The following FAM20B variants were observed in gnomAD, a reference collection of about 807,000 sequenced individuals.
FAM20B encodes glycosaminoglycan xylosylkinase.
Under a neutral mutation model 43.8 loss-of-function variants are expected in FAM20B, and 23 were observed. The observed-to-expected ratio is 0.53, with a 90% CI of 0.38 to 0.74. The LOEUF (loss-of-function observed/expected upper bound fraction) is 0.74. FAM20B is among the 30% of genes least tolerant of loss of function. The probability of loss-of-function intolerance (pLI) is 0.00; values close to 1 mark genes in which losing one functional copy is unlikely to be tolerated. For synonymous variants in FAM20B, 178 were observed against 192.4 expected (o/e 0.93, Z 0.62); for missense variants, 440 against 510.5 (o/e 0.86, Z 1.33).
Position 179,064,217 on chromosome 1 carries a change from C to T in FAM20B, c.747-88C>T, listed in dbSNP as rs569672602. ...AAGAACTGTGGAGTCAGGGGCAAAC[C>T]GGTAGGTAGGAACTCTGTCTTCTCT... On this transcript the variant is annotated intron_variant, in intron 5 of 7. Coordinates refer to ENST00000263733, the MANE Select transcript of FAM20B (RefSeq NM_014864.4). 210 of 1,419,100 alleles carry T rather than the reference C, an allele frequency of 1.5e-4. 1 individual carries two copies. The South Asian group carries it at 2.3e-3, about 16-fold the overall frequency. The allele number at this position is 1,419,100 out of a possible 1,614,324, so 87.9% of individuals were successfully genotyped here. A position where few individuals can be genotyped will look rare whatever the true frequency, so the allele number is the denominator to read the frequency against.
At chr1:179,060,163 T>G (rs1651403410) in intron 4 of FAM20B, among the ~76,000 whole-genome samples, 1 of 152,172 alleles carries the variant, frequency 6.6e-6, no homozygotes, top group Non-Finnish European at 1.5e-5. Flanking sequence ...CTTCTGCATC[T>G]TACTTTTTTT....
chr1:179,036,377 G>A (rs867951008), intron 1 of FAM20B, among the ~76,000 whole-genome samples: 1 of 152,070 alleles, frequency 6.6e-6, no homozygotes, highest in Non-Finnish European at 1.5e-5. Flanking sequence ...GTTCTTTGAG[G>A]TAGTTTCTGT....
intron 1 of FAM20B, among the ~76,000 whole-genome samples, chr1:179,027,908 A>G (rs1445425285): frequency 6.6e-6 from 1 of 152,130 alleles, no homozygotes; most frequent in African/African-American, 2.4e-5. Flanking sequence ...ATAATCTTTT[A>G]TATCATGGAA....
intron 7 of FAM20B, among the ~76,000 whole-genome samples, chr1:179,067,156 CAAAA>C (rs768489429): frequency 7.4e-6 from 1 of 134,402 alleles, no homozygotes; most frequent in Admixed American, 7.6e-5. Flanking sequence ...ACCCCACTGC[CAAAA>C]AAAAAAAAAG....
chr1:179,044,263 T>C (rs1361894641), intron 2 of FAM20B, 39 bp downstream of exon 2: 1 of 1,551,436 alleles, frequency 6.4e-7, no homozygotes, highest in Non-Finnish European at 8.7e-7. Context: ...GCTAGTTGGT[T>C]GATTCATTTA....
At chr1:179,051,122 T>TAAAA (rs71108087) in intron 3 of FAM20B, among the ~76,000 whole-genome samples, 3 of 140,798 alleles carry the variant, frequency 2.1e-5, no homozygotes, top group Non-Finnish European at 3.1e-5. Context: ...ACTCTGTCTT[T>TAAAA]AAAAAAAAAA....
At chr1:179,046,297 GATAAGCAGC>G (rs1322400034) in intron 2 of FAM20B, among the ~76,000 whole-genome samples, 1 of 152,224 alleles carries the variant, frequency 6.6e-6, no homozygotes, top group African/African-American at 2.4e-5. Context: ...TGGCCTGAGA[GATAAGCAGC>G]ATAAACAGAG....
At chr1:179,035,425 C>A in intron 1 of FAM20B, 1 of 707,650 alleles carries the variant, frequency 1.4e-6, no homozygotes. Flanking sequence ...GTGAATTGCA[C>A]AATTCACACA....
chr1:179,029,753 C>G (rs1469196499), intron 1 of FAM20B, among the ~76,000 whole-genome samples: 1 of 152,176 alleles, frequency 6.6e-6, no homozygotes, highest in Non-Finnish European at 1.5e-5. Context: ...TCCATGCTCT[C>G]AAATGTTAAC....
At chr1:179,025,541 T>C (rs1344698840), upstream of FAM20B, among the ~76,000 whole-genome samples, 1 of 152,138 alleles carries the variant, frequency 6.6e-6, no homozygotes, top group Non-Finnish European at 1.5e-5. Context: ...CCAGTCCTGC[T>C]GCTTGGCTGC....
intron 1 of FAM20B, among the ~76,000 whole-genome samples, chr1:179,034,023 G>A (rs1478593216): frequency 6.6e-6 from 1 of 152,070 alleles, no homozygotes; most frequent in Non-Finnish European, 1.5e-5. Flanking sequence ...AGGTCATCTG[G>A]TCTCACGTGT....
In FAM20B at chr1:179,054,510, C is replaced by T. The variant is rs766637853; in HGVS notation, c.465-19C>T. 1.1e-5 allele frequency: 17 copies of T among 1,522,308 alleles called. No individual in the cohort carries two copies. Among genetic ancestry groups the T allele is most frequent in the African/African-American group, 1.4e-5 (1 of 72,970 alleles). The allele number at this position is 1,522,308 out of a possible 1,614,324, so 94.3% of individuals were successfully genotyped here. On this transcript the variant is annotated intron_variant, in intron 3 of 7. Coordinates refer to ENST00000263733, the MANE Select transcript of FAM20B (RefSeq NM_014864.4). ...TCCCCTAAGATTTTTCTCTTCTGTT[C>T]TTCAATCTTCCAAACCAGGATTCTG...
chr1:179,023,285 C>T (rs1207386201), upstream of FAM20B, among the ~76,000 whole-genome samples: 1 of 152,178 alleles, frequency 6.6e-6, no homozygotes, highest in Non-Finnish European at 1.5e-5. Flanking sequence ...AGCTTCAACA[C>T]ATCAATGTGG....
In FAM20B at chr1:179,066,858, A is replaced by AT; in HGVS notation, c.998dup (p.Ile334HisfsTer28). 6.2e-7 allele frequency: 1 copy of AT among 1,605,048 alleles called. No individual in the cohort carries two copies. ...TCTTGCCCCTCTCTATCAGTGTTGC[A>AT]TGTAAGTTATGCACAGCAAATACAT... On this transcript the variant is annotated frameshift_variant and splice_region_variant, in exon 7 of 8. Coordinates refer to ENST00000263733, the MANE Select transcript of FAM20B (RefSeq NM_014864.4). LOFTEE classifies it high-confidence loss of function.
At chr1:179,059,908 G>T (rs559887344) in intron 4 of FAM20B, among the ~76,000 whole-genome samples, 1 of 151,584 alleles carries the variant, frequency 6.6e-6, no homozygotes, top group Non-Finnish European at 1.5e-5. Context: ...GGAAGTGGAG[G>T]TTGCAGTGAG....
chr1:179,051,079 G>A (rs1208435019), intron 3 of FAM20B, among the ~76,000 whole-genome samples: 1 of 150,776 alleles, frequency 6.6e-6, no homozygotes, highest in Admixed American at 6.6e-5. Flanking sequence ...CCGAGATCGT[G>A]CCACTGCACT....
chr1:179,066,716 T>A, intron 6 of FAM20B, 84 bp from the exon 7 acceptor site: 1 of 907,686 alleles, frequency 1.1e-6, no homozygotes, highest in South Asian at 1.4e-5. Flanking sequence ...ACATTTGAGT[T>A]TCATATAGAA....
At chr1:179,069,619 G>T (rs867168525) in intron 7 of FAM20B, among the ~76,000 whole-genome samples, 1 of 152,020 alleles carries the variant, frequency 6.6e-6, no homozygotes, top group Admixed American at 6.6e-5. Context: ...TGATCCGTCC[G>T]CCTTGGCCTC....
intron 1 of FAM20B, among the ~76,000 whole-genome samples, chr1:179,029,482 C>G (rs1469275449): frequency 6.6e-6 from 1 of 152,196 alleles, no homozygotes; most frequent in Non-Finnish European, 1.5e-5. Flanking sequence ...GAAGAAATGC[C>G]TAGCTTGGGA....
Sources: allele counts gnomAD v4.1 joint callset (sites outside exome capture counted in the v4.1 genomes callset), GRCh38; gene constraint gnomAD v4.1.1; transcripts MANE v1.5; gene names NCBI Gene and HGNC (gene_info 2026-07-23, HGNC 2026-07-21).